The following IGSF5 variants were observed in gnomAD, a reference collection of about 807,000 sequenced individuals.
IGSF5 encodes the protein immunoglobulin superfamily 5 like.
Under a neutral mutation model 39.4 loss-of-function variants are expected in IGSF5, and 41 were observed. The ratio of observed to expected loss-of-function variants is 1.04; its 90% CI spans 0.81 to 1.35. The LOEUF is 1.35. Ranked by LOEUF, IGSF5 falls within the 40% of genes most tolerant of loss-of-function variation. The pLI, the probability that IGSF5 is intolerant of heterozygous loss-of-function variation, is 0.00. For synonymous variants in IGSF5, 183 were observed against 175.3 expected (o/e 1.04, Z -0.34); for missense variants, 487 against 494.6 (o/e 0.98, Z 0.15).
intron 2 of IGSF5, among the ~76,000 whole-genome samples, chr21:39,752,122 G>A (rs112463207): frequency 0.011 from 1,738 of 152,154 alleles, 31 homozygotes; most frequent in Non-Finnish European, 0.018. Context: ...CCTGTCACCC[G>A]AGCAGTGTAC....
chr21:39,724,150 G>T, the IGSF5 span, among the ~76,000 whole-genome samples: 15 of 151,758 alleles, frequency 9.9e-5, no homozygotes, highest in Non-Finnish European at 1.8e-4. Flanking sequence ...GTTTCTTCAA[G>T]TAATACAATA....
At chr21:39,748,130 A>G (rs2079984811) in intron 2 of IGSF5, among the ~76,000 whole-genome samples, 1 of 151,966 alleles carries the variant, frequency 6.6e-6, no homozygotes, top group East Asian at 1.9e-4. Context: ...GGGTGGGTTA[A>G]ATAGCAGACA....
rs1602361062 is a variant in IGSF5, at chr21:39,746,211, A to G, written c.18-5A>G. On this transcript the variant is annotated splice_polypyrimidine_tract_variant and splice_region_variant and intron_variant, in intron 1 of 8. Coordinates refer to ENST00000380588, the MANE Select transcript of IGSF5 (RefSeq NM_001080444.2). ...GAAGTGGCAATGGGCGCCTCACTGG[A>G]TCAGGAGCACAGCAGATACTCTGCC... The G allele has an allele frequency of 1.4e-6, 1 of 701,774 alleles. No homozygotes were observed. Among genetic ancestry groups the G allele is most frequent in the African/African-American group, 1.7e-5 (1 of 57,188 alleles). The allele number at this position is 701,774 out of a possible 1,614,324, so 43.5% of individuals were successfully genotyped here. A position where few individuals can be genotyped will look rare whatever the true frequency, so the allele number is the denominator to read the frequency against.
chr21:39,763,524 C>T (rs1198994032), intron 2 of IGSF5, among the ~76,000 whole-genome samples: 1 of 152,188 alleles, frequency 6.6e-6, no homozygotes, highest in African/African-American at 2.4e-5. Context: ...CACGTGTGGC[C>T]TCCGGGGTAC....
chr21:39,779,250 T>C lies in IGSF5; in HGVS notation c.879T>C (p.Arg293=), dbSNP rs757398362. ...LTIRCCCCRR[R]CCGCNCCCRC... ...TACGCTGCTGCTGCTGCCGCCGTCG[T>C]TGTTGTGGCTGCAACTGCTGCTGCC... Residue 293 remains arginine (R), a synonymous_variant, in exon 5 of 9, where the codon CGT becomes CGC. Coordinates refer to ENST00000380588, the MANE Select transcript of IGSF5 (RefSeq NM_001080444.2). 1 of 1,612,464 alleles carries C rather than the reference T, an allele frequency of 6.2e-7. No individual in the cohort carries two copies. Among genetic ancestry groups the C allele is most frequent in the Admixed American group, 1.7e-5 (1 of 59,974 alleles).
At chr21:39,752,121 C>T (rs536384705) in intron 2 of IGSF5, among the ~76,000 whole-genome samples, 5 of 152,222 alleles carry the variant, frequency 3.3e-5, no homozygotes, top group East Asian at 3.9e-4. Flanking sequence ...ACCTGTCACC[C>T]GAGCAGTGTA....
At chr21:39,731,342 G>C in the IGSF5 span, among the ~76,000 whole-genome samples, 3 of 152,208 alleles carry the variant, frequency 2.0e-5, no homozygotes, top group Non-Finnish European at 4.4e-5. Flanking sequence ...TGAACCCTGT[G>C]AGTGCGTGGC....
At chr21:39,742,737 C>G (rs191914314), upstream of IGSF5, among the ~76,000 whole-genome samples, 22 of 152,206 alleles carry the variant, frequency 1.4e-4, no homozygotes, top group East Asian at 3.9e-3. Flanking sequence ...TTTTACAGAG[C>G]CTCCAAAGTC....
chr21:39,721,198 T>C, the IGSF5 span, among the ~76,000 whole-genome samples: 1 of 152,200 alleles, frequency 6.6e-6, no homozygotes, highest in South Asian at 2.1e-4. Context: ...ACAAAACTCG[T>C]GGCCTCCCAA....
chr21:39,727,521 G>A, the IGSF5 span, among the ~76,000 whole-genome samples: 1 of 152,208 alleles, frequency 6.6e-6, no homozygotes, highest in Non-Finnish European at 1.5e-5. Context: ...GCAACCAAGA[G>A]CTCAGACCCT....
intron 3 of IGSF5, among the ~76,000 whole-genome samples, chr21:39,766,541 T>A (rs1332984134): frequency 6.6e-6 from 1 of 152,158 alleles, no homozygotes; most frequent in East Asian, 1.9e-4. Context: ...GGGATAGTCA[T>A]TATAGTCAAA....
At chr21:39,739,015 A>G in the IGSF5 span, among the ~76,000 whole-genome samples, 1 of 151,906 alleles carries the variant, frequency 6.6e-6, no homozygotes. Flanking sequence ...CAGCCTCCTG[A>G]GTAGCTGTGA....
chr21:39,784,847 C>T (rs1001829675), intron 5 of IGSF5, among the ~76,000 whole-genome samples: 3 of 152,202 alleles, frequency 2.0e-5, no homozygotes, highest in African/African-American at 7.2e-5. Flanking sequence ...TTCTCTGCTG[C>T]TATCCAGAGA....
At chr21:39,732,022 C>T in the IGSF5 span, among the ~76,000 whole-genome samples, 501 of 152,248 alleles carry the variant, frequency 3.3e-3, 4 homozygotes, top group African/African-American at 0.012. Flanking sequence ...GCCCAAGCAG[C>T]CCCACAGAGA....
intron 6 of IGSF5, among the ~76,000 whole-genome samples, chr21:39,791,081 C>A (rs1019248900): frequency 3.9e-5 from 6 of 152,216 alleles, no homozygotes; most frequent in Admixed American, 3.9e-4. Context: ...CCAAGGGAGA[C>A]TGTATCTAGT....
intron 6 of IGSF5, among the ~76,000 whole-genome samples, chr21:39,788,939 A>G (rs1351095539): frequency 6.6e-6 from 1 of 152,224 alleles, no homozygotes; most frequent in African/African-American, 2.4e-5. Flanking sequence ...TTTTGGCTAC[A>G]TTCTGTGAAT....
At chr21:39,765,896 A>C in intron 3 of IGSF5, 44 bp downstream of exon 3, 17 of 1,563,964 alleles carry the variant, frequency 1.1e-5, no homozygotes, top group South Asian at 2.3e-5. Context: ...GTTAAATGTC[A>C]GAGGGCAGGA....
At chr21:39,733,066 A>G in the IGSF5 span, among the ~76,000 whole-genome samples, 1 of 152,056 alleles carries the variant, frequency 6.6e-6, no homozygotes, top group Non-Finnish European at 1.5e-5. Context: ...AAAAGTTAAA[A>G]TGCAGTATTT....
chr21:39,751,479 T>G (rs2080005331), intron 2 of IGSF5: 1 of 152,210 alleles, frequency 6.6e-6, no homozygotes, highest in African/African-American at 2.4e-5. Flanking sequence ...CTTTCCAACT[T>G]CCACAGAGTT....
Sources: allele counts gnomAD v4.1 joint callset (sites outside exome capture counted in the v4.1 genomes callset), GRCh38; gene constraint gnomAD v4.1.1; transcripts MANE v1.5; gene names NCBI Gene and HGNC (gene_info 2026-07-23, HGNC 2026-07-21).